Variants in ANKRD30A observed in about 807,000 individuals in gnomAD.
ANKRD30A encodes ankyrin repeat domain-containing protein 30A.
In ANKRD30A, 170 loss-of-function variants were observed where a neutral mutation model predicts 166.3. The ratio of observed to expected loss-of-function variants is 1.02; its 90% CI spans 0.90 to 1.16. ANKRD30A has a LOEUF of 1.16. Ranked by LOEUF, ANKRD30A falls within the 50% of genes most tolerant of loss-of-function variation. The probability of loss-of-function intolerance (pLI) is 0.00; values close to 1 mark genes in which losing one functional copy is unlikely to be tolerated. For synonymous variants in ANKRD30A, 564 were observed against 508.9 expected, an observed-to-expected ratio of 1.11 and a Z score of -1.46; for missense variants, 1,630 against 1,518.0, an observed-to-expected ratio of 1.07 and a Z score of -1.23.
the ANKRD30A span, among the ~76,000 whole-genome samples, chr10:37,260,025 T>A: frequency 6.6e-6 from 1 of 151,916 alleles, no homozygotes; most frequent in Non-Finnish European, 1.5e-5. Context: ...TGAAGAAACA[T>A]GAGTGGCCGA....
At chr10:37,232,760 A>T (rs1182096263), downstream of ANKRD30A, among the ~76,000 whole-genome samples, 2 of 140,304 alleles carry the variant, frequency 1.4e-5, no homozygotes, top group East Asian at 4.4e-4. Flanking sequence ...AACTATATGC[A>T]GTCATCCTAG....
rs16937417 is a variant in ANKRD30A at position 37,158,517 on chromosome 10, A to C, written c.1831A>C (p.Thr611Pro). 385 of 1,613,578 alleles carry C rather than the reference A, an allele frequency of 2.4e-4. 1 individual carries two copies. The highest frequency in any genetic ancestry group is 2.0e-3 in the Middle Eastern group (12 of 6,052). The change falls in exon 15 of 36, where the codon ACC (threonine) becomes CCC (proline). Residue 611 changes from threonine (T) to proline (P), a missense_variant. Coordinates refer to ENST00000361713, the MANE Select transcript of ANKRD30A (RefSeq NM_052997.3). Reference protein sequence around the residue: ...SPNKDGLLKATCGMKVSIPTK... With the variant: ...SPNKDGLLKAPCGMKVSIPTK... The stretch of plus-strand genomic sequence containing the variant: ...TTTTGTTTCCAAACCCATTTAGGCT[A>C]CCTGCGGAATGAAAGTTTCTATTCC...
At chr10:37,172,157 A>G (rs560306218) in intron 21 of ANKRD30A, among the ~76,000 whole-genome samples, 7 of 101,780 alleles carry the variant, frequency 6.9e-5, no homozygotes, top group African/African-American at 2.9e-4. Flanking sequence ...CATCCTGACT[A>G]ACGCGGTGAA....
chr10:37,217,552 A>G (rs537914299), intron 32 of ANKRD30A, 143 bp from the exon 33 acceptor site: 3 of 545,912 alleles, frequency 5.5e-6, no homozygotes, highest in African/African-American at 4.0e-5. Context: ...TTGGAGTAAT[A>G]AATAGCTGAG....
rs964589731 is a variant in ANKRD30A, at chr10:37,224,488, ATATAT to A, written c.4185+4597_4185+4601del. Among the ~76,000 whole-genome samples, 64 of 150,764 alleles carry A rather than the reference ATATAT, an allele frequency of 4.2e-4. No homozygotes were observed. In the East Asian group the frequency reaches 7.8e-3, roughly 18 times the overall value. Reference sequence around the variant, plus strand: ...CACACACACACGTGTATATATACACATATATTATATGTATATACATATATATGTTA... The same window carrying A: ...CACACACACACGTGTATATATACACATATATGTATATACATATATATGTTA... On this transcript the variant is annotated intron_variant, in intron 34 of 35. Transcript: ENST00000361713.
In ANKRD30A at chr10:37,216,222, T is replaced by C. The variant is rs1342260238; in HGVS notation, c.2911T>C (p.Cys971Arg). The C allele has an allele frequency of 6.2e-7, 1 of 1,606,626 alleles. No individual in the cohort carries two copies. Among genetic ancestry groups the C allele is most frequent in the Non-Finnish European group, 8.5e-7 (1 of 1,174,958 alleles). Residue 971 changes from cysteine to arginine, a missense_variant, in exon 32 of 36, where the codon TGT becomes CGT. Physicochemically the swap from Cys to Arg is radical, Grantham distance 180. Around this residue, in one of 4 missense-constraint regions of ANKRD30A, gnomAD observed 712 missense variants for 629.3 expected, o/e 1.13. Transcript: ENST00000361713. ...AAAAATCTTGGATACAGTTCATTCT[T>C]GTGAAAGAGCAAGGGAACTTCAAAA... Reference protein sequence around the residue: ...LSKILDTVHSCERARELQKDH... With the variant: ...LSKILDTVHSRERARELQKDH...
At position 37,130,220 on chromosome 10, in the gene ANKRD30A, C is replaced by A; in HGVS notation, c.352C>A (p.Gln118Lys). 1 of 1,594,322 alleles carries A rather than the reference C, an allele frequency of 6.3e-7. No homozygotes were observed. Among genetic ancestry groups the A allele is most frequent in the African/African-American group, 1.4e-5 (1 of 73,406 alleles). ...TPLMKALQCH[Q>K]EACANILIDS... ...ATACTGACAGGCTCTACAATGCCAT[C>A]AGGAGGCTTGTGCAAATATTCTGAT... The change falls in exon 3 of 36, where the codon CAG (glutamine) becomes AAG (lysine). Residue 118 changes from glutamine to lysine, a missense_variant. By Grantham distance (53) the Gln-to-Lys change is moderately conservative. Transcript: ENST00000361713.
intron 12 of ANKRD30A, 111 bp from the exon 13 acceptor site, chr10:37,153,461 T>G: frequency 6.6e-7 from 1 of 1,520,982 alleles, no homozygotes; most frequent in Non-Finnish European, 8.9e-7. Context: ...GTCGAATTGT[T>G]TGCAAAGGAG....
intron 31 of ANKRD30A, among the ~76,000 whole-genome samples, chr10:37,203,172 G>C (rs1783495766): frequency 6.6e-6 from 1 of 152,068 alleles, no homozygotes; most frequent in Non-Finnish European, 1.5e-5. Flanking sequence ...GCCTGGCAGA[G>C]ACACAACAAA....
chr10:37,191,995 G>A (rs538825846), intron 25 of ANKRD30A, among the ~76,000 whole-genome samples: 1 of 151,966 alleles, frequency 6.6e-6, no homozygotes, highest in Non-Finnish European at 1.5e-5. Flanking sequence ...TATATAAAAA[G>A]CCTCTGGAAG....
At chr10:37,178,036 G>A (rs1419475452) in intron 24 of ANKRD30A, among the ~76,000 whole-genome samples, 1 of 151,100 alleles carries the variant, frequency 6.6e-6, no homozygotes. Flanking sequence ...TAGAGTAAAT[G>A]AAGACTGAGA....
chr10:37,149,801 G>A lies in ANKRD30A; in HGVS notation c.1597G>A (p.Val533Ile). 3 of 1,612,880 alleles carry A rather than the reference G, an allele frequency of 1.9e-6. No homozygotes were observed. The highest frequency in any genetic ancestry group is 2.5e-6 in the Non-Finnish European group (3 of 1,179,158). ...FKPAIEMQNS[V>I]PNKAFELKNE... ...GCCTGCCATTGAAATGCAAAACTCT[G>A]TTCCAAATAAAGCCTTTGAATTGAA... is the stretch of plus-strand genomic sequence containing the variant. The change falls in exon 11 of 36, where the codon GTT becomes ATT. Residue 533 changes from valine to isoleucine, a missense_variant. This residue lies in a region of ANKRD30A where 904 missense variants were observed against 818.5 expected (regional missense o/e 1.10). Transcript: ENST00000361713.
intron 21 of ANKRD30A, among the ~76,000 whole-genome samples, chr10:37,172,189 C>A (rs542954863): frequency 1.0e-5 from 1 of 99,266 alleles, no homozygotes; most frequent in Admixed American, 9.5e-5. Context: ...ACTAAAAATA[C>A]AAAAAATTAG....
At chr10:37,149,410 G>A (rs1401184342) in intron 9 of ANKRD30A, among the ~76,000 whole-genome samples, 4 of 151,914 alleles carry the variant, frequency 2.6e-5, no homozygotes, top group East Asian at 3.9e-4. Flanking sequence ...CTTTTTACAC[G>A]TGAAACACAA....
intron 13 of ANKRD30A, among the ~76,000 whole-genome samples, chr10:37,157,822 T>C (rs558136729): frequency 6.6e-6 from 1 of 152,364 alleles, no homozygotes; most frequent in African/African-American, 2.4e-5. Context: ...ACTTTTATTC[T>C]ATAAGTAGAT....
At chr10:37,215,398 A>G (rs1409680695) in intron 31 of ANKRD30A, among the ~76,000 whole-genome samples, 1 of 151,420 alleles carries the variant, frequency 6.6e-6, no homozygotes, top group African/African-American at 2.4e-5. Context: ...GCTAAATAGT[A>G]GGAGGGGTTT....
intron 13 of ANKRD30A, 40 bp downstream of exon 13, chr10:37,153,702 A>G: frequency 1.2e-6 from 2 of 1,607,018 alleles, no homozygotes; most frequent in Non-Finnish European, 1.7e-6. Flanking sequence ...TTGACCGAAT[A>G]TTTCTCTAAA....
chr10:37,249,557 T>C, the ANKRD30A span, among the ~76,000 whole-genome samples: 1 of 152,194 alleles, frequency 6.6e-6, no homozygotes, highest in African/African-American at 2.4e-5. Context: ...TTTATGTTGT[T>C]TTATCACTAC....
chr10:37,253,003 A>G, the ANKRD30A span, among the ~76,000 whole-genome samples: 1 of 152,326 alleles, frequency 6.6e-6, no homozygotes, highest in South Asian at 2.1e-4. Flanking sequence ...TTAGAAGGAA[A>G]CTCAAAAACT....
Sources: allele counts gnomAD v4.1 joint callset (sites outside exome capture counted in the v4.1 genomes callset), GRCh38; gene constraint gnomAD v4.1.1; regional missense constraint gnomAD v4.1.1; transcripts MANE v1.5; gene names NCBI Gene and HGNC (gene_info 2026-07-23, HGNC 2026-07-21).